TJP1: variants seen among roughly 807,000 people sequenced by gnomAD.
The protein encoded by TJP1 is tight junction protein 1.
TJP1 carries 43 observed loss-of-function variants against 194.2 expected under a neutral mutation model. The observed-to-expected ratio is 0.22, with a 90% CI of 0.17 to 0.29. TJP1 has a LOEUF of 0.29. Among genes scored for constraint, TJP1 ranks in the 10% least tolerant of loss-of-function variants. The pLI, the probability that TJP1 is intolerant of heterozygous loss-of-function variation, is 1.00. For synonymous variants in TJP1, 801 were observed against 779.0 expected, an observed-to-expected ratio of 1.03 and a Z score of -0.47; for missense variants, 1,971 against 2,185.7, an observed-to-expected ratio of 0.90 and a Z score of 1.96.
At chr15:29,924,777 C>A (rs1158433535) in intron 2 of TJP1, among the ~76,000 whole-genome samples, 1 of 148,624 alleles carries the variant, frequency 6.7e-6, no homozygotes, top group Non-Finnish European at 1.5e-5. Context: ...TGGTTGCTCT[C>A]CTAAACGGAG....
chr15:29,710,942 G>C lies in TJP1; in HGVS notation c.4261C>G (p.Pro1421Ala). ...DRSFGEKRYE[P>A]IQATPPPPPL... ...GGAGGAGGGGGAGTGGCCTGGATGG[G>C]TTCATAGCGTTTCTCGCCAAATGAT... The change falls in exon 24 of 28, where the codon CCC becomes GCC. Residue 1421 changes from proline (P) to alanine (A), a missense_variant. By Grantham distance (27) the Pro-to-Ala change is conservative (BLOSUM62 -1). Around this residue, in one of 5 missense-constraint regions of TJP1, gnomAD observed 1,108 missense variants for 1,128.5 expected, o/e 0.98. Transcript: ENST00000614355. The C allele has an allele frequency of 6.2e-7, 1 of 1,614,128 alleles. No homozygotes were observed. The highest frequency in any genetic ancestry group is 8.5e-7 in the Non-Finnish European group (1 of 1,180,016).
At chr15:29,860,272 C>G (rs1182508304) in intron 2 of TJP1, among the ~76,000 whole-genome samples, 1 of 152,164 alleles carries the variant, frequency 6.6e-6, no homozygotes, top group Non-Finnish European at 1.5e-5. Flanking sequence ...ATTGCACCTC[C>G]CCTTCTGCAC....
intron 2 of TJP1, among the ~76,000 whole-genome samples, chr15:29,884,787 G>A (rs992050849): frequency 6.6e-6 from 1 of 152,154 alleles, no homozygotes; most frequent in Non-Finnish European, 1.5e-5. Flanking sequence ...AAGGAAGGCT[G>A]CCACAAACAC....
intron 2 of TJP1, among the ~76,000 whole-genome samples, chr15:29,945,477 C>T (rs950788834): frequency 4.6e-5 from 7 of 152,170 alleles, no homozygotes; most frequent in Admixed American, 3.3e-4. Flanking sequence ...GATAAGAGCT[C>T]CTCTACTCTC....
chr15:29,967,396 C>G (rs2056371302), intron 1 of TJP1, among the ~76,000 whole-genome samples: 1 of 151,370 alleles, frequency 6.6e-6, no homozygotes, highest in Non-Finnish European at 1.5e-5. Context: ...CTGGTGGGGG[C>G]AGAAAGACAC....
At chr15:29,706,258 A>G (rs970669659) in intron 25 of TJP1, among the ~76,000 whole-genome samples, 9 of 152,202 alleles carry the variant, frequency 5.9e-5, no homozygotes, top group Non-Finnish European at 1.2e-4. Context: ...GAGAAATTCC[A>G]TTCTAGAAAA....
At chr15:29,731,622 C>CAG (rs1282835059) in intron 15 of TJP1, among the ~76,000 whole-genome samples, 1 of 152,172 alleles carries the variant, frequency 6.6e-6, no homozygotes, top group East Asian at 1.9e-4. Flanking sequence ...TTTCCCTGTT[C>CAG]AGAGCATCAG....
chr15:29,949,608 CCTT>C (rs1463775897), intron 2 of TJP1, among the ~76,000 whole-genome samples: 11 of 82,622 alleles, frequency 1.3e-4, no homozygotes, highest in Non-Finnish European at 1.8e-4. Flanking sequence ...ACCACCTCCA[CCTT>C]CACCACCACC....
At chr15:29,750,752 A>C (rs1280993214) in intron 8 of TJP1, among the ~76,000 whole-genome samples, 2 of 152,194 alleles carry the variant, frequency 1.3e-5, no homozygotes, top group African/African-American at 2.4e-5. Flanking sequence ...CCCATTACAA[A>C]TTAAAGACTT....
chr15:29,772,686 TTC>T (rs2046769329), intron 3 of TJP1, among the ~76,000 whole-genome samples: 1 of 152,204 alleles, frequency 6.6e-6, no homozygotes. Context: ...GTTATACATT[TTC>T]TTTTTCACTA....
chr15:29,887,338 G>C (rs926342232), intron 2 of TJP1, among the ~76,000 whole-genome samples: 3 of 150,564 alleles, frequency 2.0e-5, no homozygotes, highest in Non-Finnish European at 3.0e-5. Context: ...TTTTGCTTTT[G>C]TTGCCCAAGC....
chr15:29,760,819 C>T (rs1036883305), intron 8 of TJP1, among the ~76,000 whole-genome samples: 2 of 152,198 alleles, frequency 1.3e-5, no homozygotes, highest in South Asian at 2.1e-4. Context: ...ACTGCAGCTG[C>T]GGATCAACCG....
intron 2 of TJP1, among the ~76,000 whole-genome samples, chr15:29,839,667 G>C (rs780107484): frequency 3.3e-4 from 50 of 152,162 alleles, no homozygotes; most frequent in Admixed American, 9.2e-4. Context: ...AAAATAACAA[G>C]AAAAATATTA....
At chr15:29,761,527 A>G in intron 7 of TJP1, 74 bp downstream of exon 7, 4 of 1,498,782 alleles carry the variant, frequency 2.7e-6, no homozygotes, top group Non-Finnish European at 3.6e-6. Flanking sequence ...ATTTCATTCA[A>G]AGATGTTCAA....
intron 10 of TJP1, 68 bp from the exon 11 acceptor site, chr15:29,737,482 T>C: frequency 6.5e-7 from 1 of 1,535,588 alleles, no homozygotes; most frequent in Non-Finnish European, 8.9e-7. Context: ...ATCACTACAG[T>C]GAAAACTATA....
At chr15:29,712,668 T>C (rs1171133068) in intron 23 of TJP1, among the ~76,000 whole-genome samples, 1 of 152,194 alleles carries the variant, frequency 6.6e-6, no homozygotes, top group African/African-American at 2.4e-5. Context: ...GTTACTGCAG[T>C]GAAAAGCAAT....
At chr15:29,968,077 T>C in intron 1 of TJP1, 1 of 985,408 alleles carries the variant, frequency 1.0e-6, no homozygotes, top group Non-Finnish European at 1.2e-6. Context: ...CATTTTTCTT[T>C]AAGGATGTTT....
Position 29,710,947 on chromosome 15 carries a change from T to C in TJP1, c.4256A>G (p.Tyr1419Cys), listed in dbSNP as rs200549140. The C allele has an allele frequency of 3.2e-5, 51 of 1,614,148 alleles. 1 individual carries two copies. In the Middle Eastern group the frequency reaches 5.0e-4, roughly 16 times the overall value. The stretch of plus-strand genomic sequence containing the variant: ...AGGGGGAGTGGCCTGGATGGGTTCA[T>C]AGCGTTTCTCGCCAAATGATCTATC... ...GVDRSFGEKRYEPIQATPPPP... is the reference protein window; with the variant it reads ...GVDRSFGEKRCEPIQATPPPP... Residue 1419 changes from tyrosine (Y) to cysteine (C), a missense_variant, in exon 24 of 28, where the codon TAT (tyrosine) becomes TGT (cysteine). By Grantham distance (194) the Tyr-to-Cys change is radical (BLOSUM62 -2). Around this residue, in one of 5 missense-constraint regions of TJP1, gnomAD observed 1,108 missense variants for 1,128.5 expected, o/e 0.98. Coordinates refer to ENST00000614355, the MANE Select transcript of TJP1 (RefSeq NM_001330239.4).
chr15:29,874,689 A>G lies in TJP1; in HGVS notation c.307-73987T>C, dbSNP rs893804666. The stretch of plus-strand genomic sequence containing the variant: ...AAACCATCATTTTAAAAAAATTTAG[A>G]AATTTTTATTTTTATTTGCTTATAA... On this transcript the variant is annotated intron_variant, in intron 2 of 28. Transcript: ENST00000356107. 1.7e-4 allele frequency among the ~76,000 whole-genome samples: 26 copies of G among 152,330 alleles called. 1 individual carries two copies. The highest frequency in any genetic ancestry group is 5.5e-4 in the African/African-American group (23 of 41,590).
Sources: gnomAD v4.1 joint callset for allele counts (sites outside exome capture counted in the v4.1 genomes callset) on GRCh38, gnomAD v4.1.1 for gene constraint, gnomAD v4.1.1 regional missense constraint, MANE v1.5 for transcripts, NCBI Gene and HGNC (gene_info 2026-07-23, HGNC 2026-07-21) for gene names.